The following MSRB3 variants were observed in gnomAD, a reference collection of about 807,000 sequenced individuals.
MSRB3 encodes methionine-R-sulfoxide reductase B3.
A neutral mutation model predicts 21.0 loss-of-function variants in MSRB3; 13 were observed. That is an observed-to-expected ratio of 0.62 (90% CI 0.40 to 0.98). MSRB3 has a LOEUF of 0.98. MSRB3 is among the 50% of genes least tolerant of loss of function. MSRB3 has a pLI of 0.00. For missense variants in MSRB3, 199 were observed against 230.3 expected, an observed-to-expected ratio of 0.86 and a Z score of 0.88; for synonymous variants, 87 against 88.6, an observed-to-expected ratio of 0.98 and a Z score of 0.10.
intron 6 of MSRB3, among the ~76,000 whole-genome samples, chr12:65,455,457 G>T (rs536818977): frequency 2.0e-5 from 3 of 152,226 alleles, no homozygotes; most frequent in Middle Eastern, 3.4e-3. Flanking sequence ...TTAGTGTGGG[G>T]AGCAGCATTT....
chr12:65,399,203 G>A (rs1278314757), intron 5 of MSRB3, among the ~76,000 whole-genome samples: 1 of 152,144 alleles, frequency 6.6e-6, no homozygotes, highest in Non-Finnish European at 1.5e-5. Context: ...GAGCCGTACG[G>A]CCATTTTCAT....
At chr12:65,317,067 T>C (rs1352055191) in intron 2 of MSRB3, among the ~76,000 whole-genome samples, 1 of 152,090 alleles carries the variant, frequency 6.6e-6, no homozygotes, top group Admixed American at 6.6e-5. Flanking sequence ...GGAGGAAGGC[T>C]GCAGACAAGA....
chr12:65,298,071 T>C (rs1565820256), intron 1 of MSRB3, among the ~76,000 whole-genome samples: 1 of 152,144 alleles, frequency 6.6e-6, no homozygotes, highest in Non-Finnish European at 1.5e-5. Flanking sequence ...TGGCCTGATC[T>C]TGGCTCACTG....
intron 6 of MSRB3, among the ~76,000 whole-genome samples, chr12:65,456,320 A>G (rs1275361282): frequency 6.6e-6 from 1 of 152,238 alleles, no homozygotes; most frequent in Non-Finnish European, 1.5e-5. Flanking sequence ...TAAGATATTA[A>G]CTTTACTTAT....
intron 5 of MSRB3, among the ~76,000 whole-genome samples, chr12:65,371,306 C>T (rs780485932): frequency 9.4e-5 from 11 of 116,424 alleles, no homozygotes; most frequent in Non-Finnish European, 1.5e-4. Context: ...CCAGCCTGGG[C>T]GACAAGAGCG....
intron 5 of MSRB3, among the ~76,000 whole-genome samples, chr12:65,399,882 C>T (rs1410517009): frequency 6.6e-6 from 1 of 152,152 alleles, no homozygotes; most frequent in Non-Finnish European, 1.5e-5. Context: ...GTCATTGGTT[C>T]TCTCTATGTG....
At chr12:65,458,751 G>T (rs951193845) in intron 6 of MSRB3, among the ~76,000 whole-genome samples, 2 of 152,060 alleles carry the variant, frequency 1.3e-5, no homozygotes, top group Non-Finnish European at 2.9e-5. Flanking sequence ...ACTCGCTTTG[G>T]TGGGCACATG....
intron 4 of MSRB3, among the ~76,000 whole-genome samples, chr12:65,352,604 A>C (rs1215784645): frequency 6.6e-6 from 1 of 151,946 alleles, no homozygotes; most frequent in African/African-American, 2.4e-5. Flanking sequence ...CTGATAGGCA[A>C]CTTCAGCAAA....
chr12:65,461,389 A>C (rs1883323802), intron 6 of MSRB3, among the ~76,000 whole-genome samples: 1 of 152,196 alleles, frequency 6.6e-6, no homozygotes, highest in African/African-American at 2.4e-5. Context: ...ACCTGCATCG[A>C]ATGTGGTAAA....
chr12:65,339,276 G>A (rs563483234), intron 4 of MSRB3, among the ~76,000 whole-genome samples: 8 of 152,278 alleles, frequency 5.3e-5, no homozygotes, highest in Admixed American at 2.6e-4. Context: ...CTAGATGCCA[G>A]TAGCATTGTC....
chr12:65,326,909 G>T lies in MSRB3; in HGVS notation c.160G>T (p.Val54Phe). The T allele has an allele frequency of 1.9e-6, 3 of 1,613,852 alleles. No individual in the cohort carries two copies. Among genetic ancestry groups the T allele is most frequent in the Non-Finnish European group, 2.5e-6 (3 of 1,179,822 alleles). ...GCGGCTAACACCCCTGCAGTACCAT[G>T]TCACTCAGGAGAAAGGGACCGAAAG... is the stretch of plus-strand genomic sequence containing the variant. ...RKRLTPLQYHVTQEKGTESAF... is the reference protein window; with the variant it reads ...RKRLTPLQYHFTQEKGTESAF... Residue 54 changes from valine to phenylalanine, a missense_variant, in exon 3 of 7, where the codon GTC becomes TTC. Physicochemically the swap from Val to Phe is conservative, Grantham distance 50 (BLOSUM62 -1). Coordinates refer to ENST00000308259, the MANE Select transcript of MSRB3 (RefSeq NM_001031679.3).
intron 5 of MSRB3, among the ~76,000 whole-genome samples, chr12:65,396,034 T>A (rs897280905): frequency 6.6e-6 from 1 of 152,182 alleles, no homozygotes; most frequent in Non-Finnish European, 1.5e-5. Context: ...TTTCTTTTCT[T>A]TTGCTTACTG....
intron 5 of MSRB3, among the ~76,000 whole-genome samples, chr12:65,377,580 A>G (rs929551632): frequency 1.3e-5 from 2 of 152,254 alleles, no homozygotes; most frequent in Non-Finnish European, 2.9e-5. Flanking sequence ...GATTACAGGC[A>G]TAAGCCACAG....
chr12:65,443,538 T>C (rs1882479785), intron 5 of MSRB3, among the ~76,000 whole-genome samples: 1 of 152,160 alleles, frequency 6.6e-6, no homozygotes. Flanking sequence ...GATTATCTTT[T>C]TGTGTGTGCG....
chr12:65,330,252 A>G (rs1029987421), intron 4 of MSRB3, among the ~76,000 whole-genome samples: 1 of 152,218 alleles, frequency 6.6e-6, no homozygotes, highest in Non-Finnish European at 1.5e-5. Context: ...CAAATCCTAA[A>G]AGCAAGACCC....
intron 1 of MSRB3, among the ~76,000 whole-genome samples, chr12:65,308,042 T>C (rs1873759836): frequency 6.6e-6 from 1 of 152,346 alleles, no homozygotes; most frequent in Admixed American, 6.5e-5. Context: ...AACATGGCTT[T>C]GCAGTCAGTA....
chr12:65,319,536 C>G (rs1394835606), intron 2 of MSRB3, among the ~76,000 whole-genome samples: 1 of 152,082 alleles, frequency 6.6e-6, no homozygotes, highest in Non-Finnish European at 1.5e-5. Context: ...TTTGCACATA[C>G]CTTTACTGTA....
Position 65,424,850 on chromosome 12 carries a change from C to T in MSRB3, c.293-28878C>T, listed in dbSNP as rs143770924. Among the ~76,000 whole-genome samples the T allele has an allele frequency of 9.1e-3, 1,352 of 149,242 alleles. 20 individuals carry two copies. Among genetic ancestry groups the T allele is most frequent in the African/African-American group, 0.031 (1,239 of 40,316 alleles). ...TTTGGTATGAAGTGTAGTTCAAGTC[C>T]GGTGTTTCCTTATTGACTTTCTGTC... On this transcript the variant is annotated intron_variant, in intron 5 of 6. Coordinates refer to ENST00000308259, the MANE Select transcript of MSRB3 (RefSeq NM_001031679.3).
At chr12:65,422,422 A>ATT (rs1565885136) in intron 5 of MSRB3, among the ~76,000 whole-genome samples, 7 of 78,900 alleles carry the variant, frequency 8.9e-5, no homozygotes, top group Non-Finnish European at 1.0e-4. Context: ...ATATATATAT[A>ATT]TATATATATT....
Sources: gnomAD v4.1 joint callset for allele counts (sites outside exome capture counted in the v4.1 genomes callset) on GRCh38, gnomAD v4.1.1 for gene constraint, MANE v1.5 for transcripts, NCBI Gene and HGNC (gene_info 2026-07-23, HGNC 2026-07-21) for gene names.